MAP2K1: variants seen among roughly 807,000 people sequenced by gnomAD.
MAP2K1 encodes the protein dual specificity mitogen-activated protein kinase kinase 1.
A neutral mutation model predicts 46.3 loss-of-function variants in MAP2K1; 16 were observed. The ratio of observed to expected loss-of-function variants is 0.35; its 90% CI spans 0.23 to 0.52. The LOEUF is 0.52. MAP2K1 is among the 20% of genes least tolerant of loss of function. The pLI, the probability that MAP2K1 is intolerant of heterozygous loss-of-function variation, is 0.94. For missense variants in MAP2K1, 263 were observed against 497.1 expected, an observed-to-expected ratio of 0.53 and a Z score of 4.48; for synonymous variants, 183 against 185.6, an observed-to-expected ratio of 0.99 and a Z score of 0.11.
At chr15:66,438,065 G>A (rs2093493316) in intron 3 of MAP2K1, among the ~76,000 whole-genome samples, 2 of 148,200 alleles carry the variant, frequency 1.3e-5, no homozygotes, top group Non-Finnish European at 3.0e-5. Flanking sequence ...GGGTGATGAA[G>A]GGTTTTTTTC....
At chr15:66,469,723 C>CACACACACACACACATATAT (rs143830560) in intron 5 of MAP2K1, among the ~76,000 whole-genome samples, 1 of 134,464 alleles carries the variant, frequency 7.4e-6, no homozygotes, top group Non-Finnish European at 1.6e-5. Context: ...CACACACACA[C>CACACACACACACACATATAT]ATATCGGATG....
chr15:66,411,673 G>A (rs2093411562), intron 1 of MAP2K1, among the ~76,000 whole-genome samples: 1 of 152,182 alleles, frequency 6.6e-6, no homozygotes, highest in South Asian at 2.1e-4. Context: ...TTGATCATTG[G>A]TGTATTCTTC....
In MAP2K1 at chr15:66,471,439, T is replaced by A. The variant is rs576105224; in HGVS notation, c.569-10316T>A. ...CAGTCAAGGAAAGGCTCAGAGAGGT[T>A]CTGTAACTGGGCTGGGGCCACAGAG... On this transcript the variant is annotated intron_variant, in intron 5 of 10. Transcript: ENST00000307102. Among the ~76,000 whole-genome samples the A allele has an allele frequency of 6.6e-5, 10 of 152,254 alleles. No homozygotes were observed. The South Asian group carries it at 2.1e-3, about 32-fold the overall frequency.
intron 5 of MAP2K1, 99 bp downstream of exon 5, chr15:66,444,806 CT>C: frequency 1.0e-6 from 1 of 968,820 alleles, no homozygotes; most frequent in Non-Finnish European, 1.7e-6. Flanking sequence ...GTGTAAAAGC[CT>C]TTTAATAACA....
At chr15:66,459,810 G>A (rs1306721715) in intron 5 of MAP2K1, among the ~76,000 whole-genome samples, 1 of 151,978 alleles carries the variant, frequency 6.6e-6, no homozygotes, top group African/African-American at 2.4e-5. Flanking sequence ...GGCTTGTTTG[G>A]TTTTGTTTTG....
At chr15:66,442,156 C>T (rs1285920420) in intron 3 of MAP2K1, among the ~76,000 whole-genome samples, 1 of 152,212 alleles carries the variant, frequency 6.6e-6, no homozygotes, top group Non-Finnish European at 1.5e-5. Context: ...ACCAGTCTCT[C>T]TGCCTCCAGA....
intron 5 of MAP2K1, among the ~76,000 whole-genome samples, chr15:66,445,161 G>GA (rs1891833311): frequency 6.6e-6 from 1 of 151,376 alleles, no homozygotes; most frequent in African/African-American, 2.4e-5. Context: ...GGGAGGTGGG[G>GA]GGGTGGATCA....
At chr15:66,464,073 C>G (rs900148013) in intron 5 of MAP2K1, among the ~76,000 whole-genome samples, 1 of 152,112 alleles carries the variant, frequency 6.6e-6, no homozygotes. Context: ...TTTTTGGGGG[C>G]CCCAAGATTT....
intron 5 of MAP2K1, among the ~76,000 whole-genome samples, chr15:66,453,761 T>C (rs1319467912): frequency 6.6e-6 from 1 of 152,230 alleles, no homozygotes; most frequent in Non-Finnish European, 1.5e-5. Flanking sequence ...TTTGTTCTTA[T>C]TTGTTGATAC....
chr15:66,392,254 G>GTTTTTTT (rs374203054), intron 1 of MAP2K1, among the ~76,000 whole-genome samples: 1,458 of 79,568 alleles, frequency 0.018, 118 homozygotes, highest in East Asian at 0.044. Context: ...GTTTTTTTTG[G>GTTTTTTT]GTTTTTTTTT....
chr15:66,455,326 T>A (rs1359931043), intron 5 of MAP2K1, among the ~76,000 whole-genome samples: 5 of 152,230 alleles, frequency 3.3e-5, no homozygotes, highest in Non-Finnish European at 1.5e-5. Flanking sequence ...GGGTGCAATG[T>A]TTTGCTCTTT....
In MAP2K1 at chr15:66,462,593, A is replaced by G. The variant is rs540649052; in HGVS notation, c.568+17886A>G. Among the ~76,000 whole-genome samples the G allele has an allele frequency of 7.3e-5, 10 of 136,808 alleles. No homozygotes were observed. The East Asian group carries it at 2.0e-3, about 28-fold the overall frequency. The allele number at this position is 136,808 out of a possible 152,430, so 89.8% of individuals were successfully genotyped here. On this transcript the variant is annotated intron_variant, in intron 5 of 10. Coordinates refer to ENST00000307102, the MANE Select transcript of MAP2K1 (RefSeq NM_002755.4). ...ACTGTCTCTACTTTTGTGAATATTTAGATTTTTCTGAAAAAAAAAAATTGG... is the reference window on the plus strand; with the variant it reads ...ACTGTCTCTACTTTTGTGAATATTTGGATTTTTCTGAAAAAAAAAAATTGG...
At chr15:66,420,863 ATATATG>A (rs2093439207) in intron 1 of MAP2K1, among the ~76,000 whole-genome samples, 1 of 123,990 alleles carries the variant, frequency 8.1e-6, no homozygotes, top group Non-Finnish European at 1.8e-5. Context: ...ATGTGTGTAT[ATATATG>A]TGTGTATATA....
intron 5 of MAP2K1, among the ~76,000 whole-genome samples, chr15:66,476,739 G>A: frequency 6.6e-6 from 1 of 152,228 alleles, no homozygotes; most frequent in East Asian, 1.9e-4. Flanking sequence ...TGTCCCGCTG[G>A]AGGAGTGCTG....
At chr15:66,417,721 G>A (rs937507920) in intron 1 of MAP2K1, among the ~76,000 whole-genome samples, 1 of 152,166 alleles carries the variant, frequency 6.6e-6, no homozygotes, top group Non-Finnish European at 1.5e-5. Context: ...GATGAGATTT[G>A]CTGACCCTCC....
At chr15:66,404,408 A>G (rs2093390932) in intron 1 of MAP2K1, among the ~76,000 whole-genome samples, 1 of 152,170 alleles carries the variant, frequency 6.6e-6, no homozygotes, top group Non-Finnish European at 1.5e-5. Flanking sequence ...AGCTCTTAAC[A>G]CATTATATTT....
intron 5 of MAP2K1, among the ~76,000 whole-genome samples, chr15:66,468,654 T>C (rs1450495433): frequency 6.6e-6 from 1 of 152,120 alleles, no homozygotes; most frequent in Non-Finnish European, 1.5e-5. Flanking sequence ...TTTTTTTGGC[T>C]GGGCGCGGTG....
In MAP2K1 at chr15:66,491,071, C is replaced by T. The variant is rs181853123; in HGVS notation, c.*456C>T. On this transcript the variant is annotated 3_prime_UTR_variant, in exon 11 of 11. Transcript: ENST00000307102. ...TCCTTCACAGGCAGTGCATGTGAAG[C>T]ATGCTTTGCTGCTATGAAAATGAGC... The T allele has an allele frequency of 5.7e-6, 2 of 353,386 alleles. No homozygotes were observed. The highest frequency in any genetic ancestry group is 9.4e-5 in the East Asian group (2 of 21,316). The allele number at this position is 353,386 out of a possible 1,614,324, so 21.9% of individuals were successfully genotyped here. A position where few individuals can be genotyped will look rare whatever the true frequency, so the allele number is the denominator to read the frequency against.
intron 5 of MAP2K1, among the ~76,000 whole-genome samples, chr15:66,460,855 G>A (rs953699087): frequency 1.3e-5 from 2 of 152,168 alleles, no homozygotes; most frequent in African/African-American, 4.8e-5. Context: ...AGGGACTGGT[G>A]TGGGAAGATG....
Sources: gnomAD v4.1 joint callset for allele counts (sites outside exome capture counted in the v4.1 genomes callset) on GRCh38, gnomAD v4.1.1 for gene constraint, MANE v1.5 for transcripts, NCBI Gene and HGNC (gene_info 2026-07-23, HGNC 2026-07-21) for gene names.